Variants in USP24 observed in about 807,000 individuals in gnomAD.
USP24 encodes the protein ubiquitin carboxyl-terminal hydrolase 24.
In USP24, 97 loss-of-function variants were observed where a neutral mutation model predicts 361.6. That is an observed-to-expected ratio of 0.27 (90% CI 0.23 to 0.32). USP24 has a LOEUF of 0.32. USP24 is among the 10% of genes least tolerant of loss of function. The pLI, the probability that USP24 is intolerant of heterozygous loss-of-function variation, is 1.00. For synonymous variants in USP24, 1,098 were observed against 1,124.6 expected (o/e 0.98, Z 0.47); for missense variants, 2,353 against 3,165.6 (o/e 0.74, Z 6.16).
intron 59 of USP24, 29 bp downstream of exon 59, chr1:55,081,293 C>A: frequency 2.5e-6 from 4 of 1,599,262 alleles, no homozygotes; most frequent in Non-Finnish European, 3.4e-6. Context: ...AATTCAGTAT[C>A]TCTTCATTCT....
chr1:55,184,351 C>A (rs975455028), intron 1 of USP24, among the ~76,000 whole-genome samples: 1 of 152,142 alleles, frequency 6.6e-6, no homozygotes, highest in African/African-American at 2.4e-5. Flanking sequence ...GCCACCACAC[C>A]CAGCCAGGAA....
At chr1:55,089,922 CTG>C (rs937715376) in intron 54 of USP24, among the ~76,000 whole-genome samples, 182 bp from the exon 55 acceptor site, 1 of 152,132 alleles carries the variant, frequency 6.6e-6, no homozygotes, top group African/African-American at 2.4e-5. Flanking sequence ...TCAGTGTACT[CTG>C]GAAGTCAGTG....
In USP24 at chr1:55,136,370, C is replaced by T. The variant is rs372082674; in HGVS notation, c.3201+1145G>A. Among the ~76,000 whole-genome samples, 204 of 152,192 alleles carry T rather than the reference C, an allele frequency of 1.3e-3. 5 individuals are homozygous for T. In the South Asian group the frequency reaches 0.039, roughly 29 times the overall value. On this transcript the variant is annotated intron_variant, in intron 28 of 67. Coordinates refer to ENST00000294383, the MANE Select transcript of USP24 (RefSeq NM_015306.3). ...GGCTCCGGGGGACACATTAGGAAGG[C>T]CCTGAAGGTCCCAGTAAAGACTGGC... is the stretch of plus-strand genomic sequence containing the variant.
intron 31 of USP24, among the ~76,000 whole-genome samples, chr1:55,131,786 A>T (rs1646599536): frequency 6.6e-6 from 1 of 152,236 alleles, no homozygotes; most frequent in African/African-American, 2.4e-5. Context: ...ATAATAATTA[A>T]GACTGCTTAG....
intron 38 of USP24, among the ~76,000 whole-genome samples, chr1:55,114,063 G>T (rs1044669832): frequency 9.9e-5 from 15 of 152,116 alleles, no homozygotes; most frequent in African/African-American, 3.4e-4. Flanking sequence ...AAAGTCTCAG[G>T]ATACAAAATC....
chr1:55,145,786 A>G (rs1004984095), intron 20 of USP24, among the ~76,000 whole-genome samples: 1 of 152,206 alleles, frequency 6.6e-6, no homozygotes, highest in African/African-American at 2.4e-5. Flanking sequence ...AATTTGATCT[A>G]GCAGGCCATA....
chr1:55,148,583 A>G lies in USP24; in HGVS notation c.1861-13T>C. On this transcript the variant is annotated splice_polypyrimidine_tract_variant and intron_variant, in intron 16 of 67. Transcript: ENST00000294383. Reference sequence around the variant, plus strand: ...TAAGCTGAGATGACTAGAGTTAAAAAGAAGTTACATTAATTAAATTTAGAA... The same window carrying G: ...TAAGCTGAGATGACTAGAGTTAAAAGGAAGTTACATTAATTAAATTTAGAA... 6.6e-7 allele frequency: 1 copy of G among 1,521,978 alleles called. No homozygotes were observed. The highest frequency in any genetic ancestry group is 8.9e-7 in the Non-Finnish European group (1 of 1,126,470). 94.3% of individuals were successfully genotyped at this position (1,521,978 alleles called of 1,614,324 possible). A position where few individuals can be genotyped will look rare whatever the true frequency, so the allele number is the denominator to read the frequency against.
intron 7 of USP24, among the ~76,000 whole-genome samples, chr1:55,164,293 T>C (rs1160175245): frequency 6.6e-6 from 1 of 152,006 alleles, no homozygotes; most frequent in Non-Finnish European, 1.5e-5. Flanking sequence ...CAGAAAGGCA[T>C]CTGTTAAACT....
chr1:55,073,723 G>T, intron 64 of USP24, 105 bp downstream of exon 64: 1 of 1,100,522 alleles, frequency 9.1e-7, no homozygotes, highest in Non-Finnish European at 1.3e-6. Flanking sequence ...CCCTGACTGA[G>T]TCAGATTCTC....
chr1:55,152,077 C>G, intron 16 of USP24: 5 of 736,666 alleles, frequency 6.8e-6, no homozygotes, highest in Non-Finnish European at 8.3e-6. Context: ...CTTCCCACTG[C>G]CCCCCTTCAG....
chr1:55,129,720 G>A, intron 31 of USP24, 146 bp from the exon 32 acceptor site: 1 of 588,018 alleles, frequency 1.7e-6, no homozygotes, highest in Non-Finnish European at 2.9e-6. Flanking sequence ...AGAAGCTGAT[G>A]TTTCACGATA....
At chr1:55,102,752 C>T (rs1645668172) in intron 42 of USP24, among the ~76,000 whole-genome samples, 1 of 151,824 alleles carries the variant, frequency 6.6e-6, no homozygotes, top group Non-Finnish European at 1.5e-5. Context: ...ACAGATATTG[C>T]CTCCATTATG....
chr1:55,156,975 A>G lies in USP24; in HGVS notation c.1419T>C (p.Asp473=), dbSNP rs1647735231. ...GTATCTTCCAAATTTTAGTGAGTTC[A>G]TCTAACGACAATTTACTACCCAAGA... The part of the protein sequence containing the change: ...IELLGSKLSL[D]ELTKIWKIQS... Residue 473 remains aspartate (D), a synonymous_variant, in exon 12 of 68, where the codon GAT becomes GAC. Coordinates refer to ENST00000294383, the MANE Select transcript of USP24 (RefSeq NM_015306.3). The G allele has an allele frequency of 6.2e-7, 1 of 1,612,932 alleles. No individual in the cohort carries two copies. The highest frequency in any genetic ancestry group is 1.3e-5 in the African/African-American group (1 of 74,890).
intron 1 of USP24, among the ~76,000 whole-genome samples, chr1:55,204,144 T>C (rs1249986003): frequency 1.3e-5 from 2 of 152,188 alleles, no homozygotes; most frequent in Non-Finnish European, 2.9e-5. Flanking sequence ...TTATTGATGC[T>C]GGACAGGTTT....
Position 55,125,698 on chromosome 1 carries a change from C to T in USP24, c.3696G>A (p.Arg1232=), listed in dbSNP as rs1338358873. 5.6e-6 allele frequency: 9 copies of T among 1,597,060 alleles called. No homozygotes were observed. The East Asian group carries it at 2.0e-4, about 36-fold the overall frequency. ...SIPSEVDYET[R]QGVYSICLQL... is the part of the protein sequence containing the mutation. ...GTAGACAGATGGAATAAACACCCTG[C>T]CTTGTTTCATAGTCTACTTCTGATG... The change falls in exon 33 of 68, where the codon AGG becomes AGA. Residue 1232 remains arginine, a synonymous_variant. Coordinates refer to ENST00000294383, the MANE Select transcript of USP24 (RefSeq NM_015306.3).
intron 1 of USP24, among the ~76,000 whole-genome samples, chr1:55,209,657 G>C (rs938841360): frequency 5.3e-5 from 8 of 152,186 alleles, no homozygotes; most frequent in African/African-American, 1.9e-4. Flanking sequence ...ACAAATGAAA[G>C]AAATGCATGA....
intron 40 of USP24, among the ~76,000 whole-genome samples, chr1:55,106,871 G>A (rs1645788758): frequency 6.6e-6 from 1 of 152,186 alleles, no homozygotes. Flanking sequence ...GAGGGCAGGG[G>A]TGGTTAGGGG....
rs569059620 is a variant in USP24, at chr1:55,125,569, C to T, written c.3732-21G>A. ...AAAATCTTAAAAAGAAACAGCTAGA[C>T]TTATTCTGAGTCCATTCATACTATT... On this transcript the variant is annotated intron_variant, in intron 33 of 67. Coordinates refer to ENST00000294383, the MANE Select transcript of USP24 (RefSeq NM_015306.3). 440 of 1,602,022 alleles carry T rather than the reference C, an allele frequency of 2.7e-4. 5 individuals carry two copies. In the South Asian group the frequency reaches 4.8e-3, roughly 17 times the overall value.
intron 30 of USP24, among the ~76,000 whole-genome samples, chr1:55,133,215 T>C (rs1328521494): frequency 6.6e-6 from 1 of 152,234 alleles, no homozygotes; most frequent in Non-Finnish European, 1.5e-5. Context: ...ATCAATTTAT[T>C]CTGAGAACAT....
Sources: allele counts gnomAD v4.1 joint callset (sites outside exome capture counted in the v4.1 genomes callset), GRCh38; gene constraint gnomAD v4.1.1; transcripts MANE v1.5; gene names NCBI Gene and HGNC (gene_info 2026-07-23, HGNC 2026-07-21).